The following CEP152 variants were observed in gnomAD, a reference collection of about 807,000 sequenced individuals.
The protein encoded by CEP152 is centrosomal protein of 152 kDa.
Under a neutral mutation model 188.9 loss-of-function variants are expected in CEP152, and 132 were observed. That is an observed-to-expected ratio of 0.70 (90% CI 0.61 to 0.81). The LOEUF (loss-of-function observed/expected upper bound fraction) is 0.81. CEP152 is among the 30% of genes least tolerant of loss of function. CEP152 has a pLI of 0.00. For missense variants in CEP152, 1,914 were observed against 1,969.8 expected, an observed-to-expected ratio of 0.97 and a Z score of 0.54; for synonymous variants, 649 against 666.6, an observed-to-expected ratio of 0.97 and a Z score of 0.41.
At position 48,753,483 on chromosome 15, in the gene CEP152, C is replaced by G. The variant is rs142024868; in HGVS notation, c.3346-1014G>C. Among the ~76,000 whole-genome samples, 843 of 152,200 alleles carry G rather than the reference C, an allele frequency of 5.5e-3. 6 individuals carry two copies. Among genetic ancestry groups the G allele is most frequent in the South Asian group, 0.017 (80 of 4,824 alleles). ...AGCCTTGATTTTGATTATGAGAAACCACTTAATTGACTGTCAGAAAACCTA... is the reference window on the plus strand; with the variant it reads ...AGCCTTGATTTTGATTATGAGAAACGACTTAATTGACTGTCAGAAAACCTA... On this transcript the variant is annotated intron_variant, in intron 20 of 26. Transcript: ENST00000380950.
chr15:48,731,230 C>A (rs1383671841), intron 2 of CEP152, among the ~76,000 whole-genome samples: 2 of 152,108 alleles, frequency 1.3e-5, no homozygotes, highest in Non-Finnish European at 2.9e-5. Flanking sequence ...GTATAGTTAA[C>A]AACACTGTAT....
In CEP152 at chr15:48,762,396, T is replaced by A. The variant is rs751910374; in HGVS notation, c.2557A>T (p.Lys853Ter). 1.9e-6 allele frequency: 3 copies of A among 1,613,896 alleles called. No homozygotes were observed. In the South Asian group the frequency reaches 3.3e-5, roughly 18 times the overall value. The part of the protein sequence containing the change: ...LELKHCENIT[K>*]QVEIAVQNAH... ...AGAATAAATCTGCCTTTTACCTGTT[T>A]GGTAATATTTTCACAATGTTTGAGT... The change falls in exon 18 of 27, where the codon AAA becomes TAA. Residue 853 changes from lysine to a stop codon, truncating the protein, a stop_gained. Transcript: ENST00000380950. LOFTEE classifies it high-confidence loss of function.
At chr15:48,760,015 A>T in intron 19 of CEP152, 120 bp downstream of exon 19, 3 of 1,301,044 alleles carry the variant, frequency 2.3e-6, no homozygotes, top group Non-Finnish European at 3.3e-6. Context: ...ATTGCTTAAC[A>T]TGTATCAACA....
intron 5 of CEP152, among the ~76,000 whole-genome samples, chr15:48,796,651 TAAC>T (rs919249098): frequency 6.6e-6 from 1 of 152,120 alleles, no homozygotes; most frequent in Non-Finnish European, 1.5e-5. Flanking sequence ...AATAACCACT[TAAC>T]AGCCTAAAAA....
intron 1 of CEP152, among the ~76,000 whole-genome samples, chr15:48,808,651 A>C (rs184623437): frequency 5.5e-4 from 84 of 152,264 alleles, no homozygotes; most frequent in African/African-American, 9.6e-4. Flanking sequence ...AACAAACAAA[A>C]AAAAAACTTG....
At position 48,760,284 on chromosome 15, in the gene CEP152, A is replaced by G. The variant is rs1187556976; in HGVS notation, c.2563-18T>C. On this transcript the variant is annotated intron_variant, in intron 18 of 26. Transcript: ENST00000380950. ...ATTTCTACCTGTAGGACATTGCAAA[A>G]GAAAGAGGTAAAGGGAAGTATAAAA... 6.2e-7 allele frequency: 1 copy of G among 1,613,844 alleles called. No individual in the cohort carries two copies. Among genetic ancestry groups the G allele is most frequent in the Admixed American group, 1.7e-5 (1 of 60,028 alleles).
intron 22 of CEP152, 118 bp downstream of exon 22, chr15:48,748,325 A>G: frequency 1.5e-6 from 2 of 1,296,104 alleles, no homozygotes; most frequent in Non-Finnish European, 2.0e-6. Context: ...GATCCAAATT[A>G]GTTTATATTA....
At chr15:48,793,225 G>A in intron 7 of CEP152, 96 bp downstream of exon 7, 1 of 1,462,888 alleles carries the variant, frequency 6.8e-7, no homozygotes, top group South Asian at 1.2e-5. Flanking sequence ...CTGACCAAGT[G>A]TTTTTACTCT....
At chr15:48,802,140 C>G (rs1306895543) in intron 2 of CEP152, among the ~76,000 whole-genome samples, 2 of 151,158 alleles carry the variant, frequency 1.3e-5, no homozygotes, top group Non-Finnish European at 2.9e-5. Context: ...TGTGCAATCA[C>G]AAGTATAGAG....
intron 12 of CEP152, among the ~76,000 whole-genome samples, chr15:48,773,821 C>T (rs1046936500): frequency 3.3e-5 from 5 of 152,044 alleles, no homozygotes; most frequent in Admixed American, 1.3e-4. Flanking sequence ...AAAAGTACAA[C>T]AGTATTTTTA....
chr15:48,796,759 A>C (rs1011260106), intron 5 of CEP152, among the ~76,000 whole-genome samples: 5 of 152,154 alleles, frequency 3.3e-5, no homozygotes, highest in African/African-American at 1.2e-4. Flanking sequence ...CTGAGGTCTT[A>C]CTTCATTAAA....
chr15:48,765,997 T>C (rs1322475503), intron 17 of CEP152, among the ~76,000 whole-genome samples: 2 of 151,866 alleles, frequency 1.3e-5, no homozygotes, highest in African/African-American at 4.8e-5. Context: ...GATTTCCCTA[T>C]TTTAATTTTT....
At chr15:48,747,829 A>T (rs936499830) in intron 22 of CEP152, among the ~76,000 whole-genome samples, 1 of 152,194 alleles carries the variant, frequency 6.6e-6, no homozygotes, top group African/African-American at 2.4e-5. Context: ...AAATGGTAGA[A>T]AATATCCCTT....
Position 48,738,149 on chromosome 15 carries a change from C to T in CEP152, c.*100G>A. On this transcript the variant is annotated 3_prime_UTR_variant, in exon 27 of 27. Coordinates refer to ENST00000380950, the MANE Select transcript of CEP152 (RefSeq NM_001194998.2). ...ACTTATATAACAGATGTTATTAAAACATCTCAAAAGAGGCAGGGCTCACAA... is the reference window on the plus strand; with the variant it reads ...ACTTATATAACAGATGTTATTAAAATATCTCAAAAGAGGCAGGGCTCACAA... 2 of 1,218,210 alleles carry T rather than the reference C, an allele frequency of 1.6e-6. No individual in the cohort carries two copies. Among genetic ancestry groups the T allele is most frequent in the Middle Eastern group, 2.8e-4 (1 of 3,574 alleles). 75.5% of individuals were successfully genotyped at this position (1,218,210 alleles called of 1,614,324 possible).
rs768956544 is a variant in CEP152, at chr15:48,741,960, C to T, written c.3976G>A (p.Asp1326Asn). ...LICLQQILQD[D>N]GKEGAEKKIM... The stretch of plus-strand genomic sequence containing the variant: ...GACTGAACTCACCCTTCTTTTCCAT[C>T]ATCCTGCAAAATCTGTTGGAGGCAA... Residue 1326 changes from aspartate to asparagine, a missense_variant, in exon 25 of 27, where the codon GAT (aspartate) becomes AAT (asparagine). Transcript: ENST00000380950. 2.5e-6 allele frequency: 4 copies of T among 1,614,074 alleles called. No individual in the cohort carries two copies. The highest frequency in any genetic ancestry group is 3.4e-6 in the Non-Finnish European group (4 of 1,180,026).
chr15:48,736,233 A>C (rs1400577579), downstream of CEP152, among the ~76,000 whole-genome samples: 1 of 152,212 alleles, frequency 6.6e-6, no homozygotes, highest in Non-Finnish European at 1.5e-5. Context: ...AAGTAATACC[A>C]ATGCTACACC....
intron 22 of CEP152, among the ~76,000 whole-genome samples, chr15:48,746,839 G>C (rs1411707852): frequency 2.0e-5 from 3 of 152,152 alleles, no homozygotes; most frequent in Admixed American, 6.6e-5. Flanking sequence ...GGACTAAACA[G>C]GTCTGCAGTG....
rs751035264 is a variant in CEP152 at position 48,784,073 on chromosome 15, C to T, written c.1221G>A (p.Arg407=). The change falls in exon 10 of 27, where the codon AGG becomes AGA. Residue 407 remains arginine (R), a synonymous_variant. Transcript: ENST00000380950. ...TTTCTAACTTGATTGCTTCTTGATT[C>T]CTTTCCAGTTGTTTCACGTGATCTT... The part of the protein sequence containing the change: ...RLKDHVKQLE[R]NQEAIKLEKT... 9 of 1,613,548 alleles carry T rather than the reference C, an allele frequency of 5.6e-6. No homozygotes were observed. The African/African-American group carries it at 1.2e-4, about 22-fold the overall frequency.
chr15:48,730,647 T>C (rs1892391246), intron 2 of CEP152, among the ~76,000 whole-genome samples: 2 of 152,194 alleles, frequency 1.3e-5, no homozygotes, highest in South Asian at 2.1e-4. Flanking sequence ...GATGAAGACC[T>C]ACTGACTCAA....
Sources: allele counts gnomAD v4.1 joint callset (sites outside exome capture counted in the v4.1 genomes callset), GRCh38; gene constraint gnomAD v4.1.1; transcripts MANE v1.5; gene names NCBI Gene and HGNC (gene_info 2026-07-23, HGNC 2026-07-21).